KDM1B: variants seen among roughly 807,000 people sequenced by gnomAD.
KDM1B encodes lysine demethylase 1B.
A neutral mutation model predicts 107.4 loss-of-function variants in KDM1B; 63 were observed. That is an observed-to-expected ratio of 0.59 (90% CI 0.48 to 0.72). The LOEUF (loss-of-function observed/expected upper bound fraction) is 0.72. KDM1B is among the 30% of genes least tolerant of loss of function. The pLI is 0.00. For missense variants in KDM1B, 749 were observed against 1,020.8 expected (o/e 0.73, Z 3.63); for synonymous variants, 363 against 363.9 (o/e 1.00, Z 0.03).
intron 7 of KDM1B, among the ~76,000 whole-genome samples, chr6:18,183,300 T>A (rs1786612150): frequency 7.1e-6 from 1 of 140,606 alleles, no homozygotes; most frequent in Non-Finnish European, 1.5e-5. Context: ...AGAGTTTTGC[T>A]CTTATTACCC....
intron 7 of KDM1B, among the ~76,000 whole-genome samples, chr6:18,182,465 GTT>G (rs1786543853): frequency 6.6e-6 from 1 of 152,044 alleles, no homozygotes; most frequent in Non-Finnish European, 1.5e-5. Flanking sequence ...TGATTTTGCT[GTT>G]TCTCATTTAA....
At chr6:18,169,964 C>T (rs955418744) in intron 6 of KDM1B, among the ~76,000 whole-genome samples, 1 of 146,398 alleles carries the variant, frequency 6.8e-6, no homozygotes, top group Non-Finnish European at 1.5e-5. Context: ...GGCTGGGGTG[C>T]ATTGGTACGA....
intron 6 of KDM1B, among the ~76,000 whole-genome samples, chr6:18,168,894 T>G (rs1368485996): frequency 6.6e-6 from 1 of 152,172 alleles, no homozygotes; most frequent in Admixed American, 6.6e-5. Flanking sequence ...GTCTTTGAGA[T>G]GGAGTCTTGC....
chr6:18,162,924 G>A lies in KDM1B; in HGVS notation c.305G>A (p.Ser102Asn). The stretch of plus-strand genomic sequence containing the variant: ...GAATGCTTTGACCATTACTACAGAA[G>A]GTATGTTCACTAATTGTGTGAGGTT... Reference protein sequence around the residue: ...CNECFDHYYRSHKDGYDKYTT... With the variant: ...CNECFDHYYRNHKDGYDKYTT... The change falls in exon 5 of 22, where the codon AGC (serine) becomes AAC (asparagine). Residue 102 changes from serine to asparagine, a missense_variant and splice_region_variant. Physicochemically the swap from Ser to Asn is conservative, Grantham distance 46 (BLOSUM62 1). Coordinates refer to ENST00000650836, the MANE Select transcript of KDM1B (RefSeq NM_001364614.2). The surrounding 1 kb of genome is among the most constrained non-coding windows in gnomAD (Gnocchi z 4.1). 1 of 1,584,872 alleles carries A rather than the reference G, an allele frequency of 6.3e-7. No homozygotes were observed. Among genetic ancestry groups the A allele is most frequent in the Non-Finnish European group, 8.7e-7 (1 of 1,153,296 alleles).
At chr6:18,164,218 C>G (rs541156401) in intron 5 of KDM1B, among the ~76,000 whole-genome samples, 2 of 152,210 alleles carry the variant, frequency 1.3e-5, no homozygotes, top group African/African-American at 4.8e-5. Context: ...ACTTCCACCT[C>G]CTGAGTTCAA....
At chr6:18,202,395 A>G (rs998336173) in intron 14 of KDM1B, among the ~76,000 whole-genome samples, 1 of 149,590 alleles carries the variant, frequency 6.7e-6, no homozygotes, top group Non-Finnish European at 1.5e-5. Context: ...GCAAGACCCT[A>G]TTTCAAAAAA....
At chr6:18,161,543 G>A in intron 4 of KDM1B, 89 bp downstream of exon 4, 2 of 1,339,386 alleles carry the variant, frequency 1.5e-6, no homozygotes, top group Non-Finnish European at 1.0e-6. Context: ...TTTTCCTAAA[G>A]ATAGATACAG....
chr6:18,170,974 C>T (rs555710298), intron 6 of KDM1B, among the ~76,000 whole-genome samples: 65 of 152,176 alleles, frequency 4.3e-4, no homozygotes, highest in Admixed American at 1.8e-3. Context: ...GCGCCCGCCA[C>T]CACGCCTGGC....
At position 18,222,090 on chromosome 6, in the gene KDM1B, A is replaced by C; in HGVS notation, c.*98A>C. ...ATAAGAGGGGGAAAAAACCGTCTCT[A>C]CATAGTAAAACTGAAATGTTTCTAA... On this transcript the variant is annotated 3_prime_UTR_variant, in exon 22 of 22. Coordinates refer to ENST00000650836, the MANE Select transcript of KDM1B (RefSeq NM_001364614.2). 9.8e-7 allele frequency: 1 copy of C among 1,024,804 alleles called. No homozygotes were observed. Among genetic ancestry groups the C allele is most frequent in the African/African-American group, 1.6e-5 (1 of 63,356 alleles). The allele number at this position is 1,024,804 out of a possible 1,614,324, so 63.5% of individuals were successfully genotyped here. A position where few individuals can be genotyped will look rare whatever the true frequency, so the allele number is the denominator to read the frequency against.
intron 12 of KDM1B, among the ~76,000 whole-genome samples, chr6:18,199,501 G>T (rs1242025155): frequency 6.6e-6 from 1 of 152,112 alleles, no homozygotes; most frequent in Non-Finnish European, 1.5e-5. Context: ...CGATGAATAG[G>T]ACTCACATTT....
At chr6:18,176,746 G>A (rs1057348096) in intron 7 of KDM1B, among the ~76,000 whole-genome samples, 3 of 152,036 alleles carry the variant, frequency 2.0e-5, no homozygotes, top group African/African-American at 7.3e-5. Flanking sequence ...TGTTTATGTG[G>A]TATATCACAT....
At chr6:18,210,033 G>C (rs921870740) in intron 17 of KDM1B, among the ~76,000 whole-genome samples, 3 of 152,170 alleles carry the variant, frequency 2.0e-5, no homozygotes, top group African/African-American at 7.2e-5. Context: ...GCCAGTACTT[G>C]TGCGTTTCTG....
chr6:18,213,390 C>T lies in KDM1B; in HGVS notation c.1984-266C>T, dbSNP rs1788997492. On this transcript the variant is annotated intron_variant, in intron 18 of 21. Coordinates refer to ENST00000650836, the MANE Select transcript of KDM1B (RefSeq NM_001364614.2). The surrounding 1 kb of genome is among the most constrained non-coding windows in gnomAD (Gnocchi z 5.9). The stretch of plus-strand genomic sequence containing the variant: ...AGTGGAGGCTGCAGTGAGCCAAGAT[C>T]GCTCCATTGCACTCCCAGCTGGGCA... Among the ~76,000 whole-genome samples the T allele has an allele frequency of 6.6e-6, 1 of 151,036 alleles. No homozygotes were observed. The highest frequency in any genetic ancestry group is 1.5e-5 in the Non-Finnish European group (1 of 67,832).
chr6:18,176,341 T>C (rs1158874104), intron 7 of KDM1B, among the ~76,000 whole-genome samples: 1 of 152,178 alleles, frequency 6.6e-6, no homozygotes, highest in African/African-American at 2.4e-5. Context: ...TTATCAGTTC[T>C]AGGAGCCTTC....
In KDM1B at chr6:18,222,268, G is replaced by A. The variant is rs772427186; in HGVS notation, c.*276G>A. 92 of 531,924 alleles carry A rather than the reference G, an allele frequency of 1.7e-4. No homozygotes were observed. The highest frequency in any genetic ancestry group is 4.3e-5 in the Non-Finnish European group (12 of 281,330). 33.0% of individuals were successfully genotyped at this position (531,924 alleles called of 1,614,324 possible). A position where few individuals can be genotyped will look rare whatever the true frequency, so the allele number is the denominator to read the frequency against. ...AAAGCAGAATGTAAGTTTCAGTTGA[G>A]GCCATGGATTTGATTGTTCCATGGC... On this transcript the variant is annotated 3_prime_UTR_variant, in exon 22 of 22. Coordinates refer to ENST00000650836, the MANE Select transcript of KDM1B (RefSeq NM_001364614.2).
chr6:18,169,531 A>G (rs1785521912), intron 6 of KDM1B, among the ~76,000 whole-genome samples: 1 of 151,966 alleles, frequency 6.6e-6, no homozygotes, highest in African/African-American at 2.4e-5. Context: ...TGGCCTTTTT[A>G]TATATTTTGG....
At chr6:18,190,514 A>G (rs1334604020) in intron 9 of KDM1B, among the ~76,000 whole-genome samples, 1 of 152,028 alleles carries the variant, frequency 6.6e-6, no homozygotes, top group Non-Finnish European at 1.5e-5. Flanking sequence ...AGGCAGGAGA[A>G]TGGTGTGAAC....
intron 17 of KDM1B, among the ~76,000 whole-genome samples, chr6:18,210,355 T>TTTG (rs1788758618): frequency 1.0e-4 from 5 of 47,958 alleles, no homozygotes; most frequent in Non-Finnish European, 4.0e-5. Flanking sequence ...TTTTTTTTTT[T>TTTG]TTTTTTTTTT....
chr6:18,178,849 A>T lies in KDM1B; in HGVS notation c.535-6923A>T, dbSNP rs140544195. On this transcript the variant is annotated intron_variant, in intron 7 of 21. Coordinates refer to ENST00000650836, the MANE Select transcript of KDM1B (RefSeq NM_001364614.2). Reference sequence around the variant, plus strand: ...CATAGATTCCTTTGGGTTGTCTGCAAATCAGTCATACAAATAATCATGATT... The same window carrying T: ...CATAGATTCCTTTGGGTTGTCTGCATATCAGTCATACAAATAATCATGATT... Among the ~76,000 whole-genome samples, 4 of 152,344 alleles carry T rather than the reference A, an allele frequency of 2.6e-5. No homozygotes were observed. In the East Asian group the frequency reaches 5.8e-4, roughly 22 times the overall value.
Sources: allele counts gnomAD v4.1 joint callset (sites outside exome capture counted in the v4.1 genomes callset), GRCh38; gene constraint gnomAD v4.1.1; non-coding constraint Gnocchi (gnomAD v3.1); transcripts MANE v1.5; gene names NCBI Gene and HGNC (gene_info 2026-07-23, HGNC 2026-07-21).